The following SGCG variants were observed in gnomAD, a reference collection of about 807,000 sequenced individuals.
SGCG encodes sarcoglycan gamma.
SGCG carries 26 observed loss-of-function variants against 29.3 expected under a neutral mutation model. The ratio of observed to expected loss-of-function variants is 0.89; its 90% CI spans 0.65 to 1.23. The LOEUF (loss-of-function observed/expected upper bound fraction) is 1.23, where lower values mean the gene tolerates loss of function less well. SGCG is among the 50% of genes most tolerant of loss of function. The pLI is 0.00. For synonymous variants in SGCG, 145 were observed against 129.7 expected, an observed-to-expected ratio of 1.12 and a Z score of -0.80; for missense variants, 353 against 356.0, an observed-to-expected ratio of 0.99 and a Z score of 0.07.
chr13:23,306,478 G>A (rs975529112), intron 6 of SGCG, among the ~76,000 whole-genome samples: 1 of 152,146 alleles, frequency 6.6e-6, no homozygotes, highest in East Asian at 1.9e-4. Flanking sequence ...CTGTATTTGT[G>A]TAGTGGTCTG....
At chr13:23,224,665 T>TACACAC (rs60671278) in intron 2 of SGCG, among the ~76,000 whole-genome samples, 2 of 142,028 alleles carry the variant, frequency 1.4e-5, no homozygotes, top group South Asian at 2.3e-4. Flanking sequence ...AGGGCACACA[T>TACACAC]ACACACACAC....
intron 7 of SGCG, 31 bp downstream of exon 7, chr13:23,320,791 G>C (rs747460466): frequency 6.2e-7 from 1 of 1,603,086 alleles, no homozygotes; most frequent in South Asian, 1.1e-5. Flanking sequence ...GCCTCCTACT[G>C]TATGTCCTGA....
intron 6 of SGCG, among the ~76,000 whole-genome samples, chr13:23,296,930 G>A (rs1881930013): frequency 6.6e-6 from 1 of 151,764 alleles, no homozygotes; most frequent in South Asian, 2.1e-4. Context: ...ATTTTAAATG[G>A]TCTTAAAGTT....
At chr13:23,167,493 G>A in the SGCG span, among the ~76,000 whole-genome samples, 5 of 152,142 alleles carry the variant, frequency 3.3e-5, no homozygotes, top group African/African-American at 9.7e-5. Flanking sequence ...GTCCATAGTG[G>A]TTGTACTAAT....
chr13:23,198,077 T>C (rs1159331643), intron 1 of SGCG, among the ~76,000 whole-genome samples: 1 of 152,232 alleles, frequency 6.6e-6, no homozygotes. Context: ...AAAGTCAGTA[T>C]CAGACAGATA....
At chr13:23,283,164 A>C (rs1881370162) in intron 5 of SGCG, among the ~76,000 whole-genome samples, 1 of 152,078 alleles carries the variant, frequency 6.6e-6, no homozygotes, top group African/African-American at 2.4e-5. Flanking sequence ...TCAAGTCCTG[A>C]ATATCCTTGT....
intron 2 of SGCG, among the ~76,000 whole-genome samples, chr13:23,226,089 G>A (rs1593183715): frequency 6.6e-6 from 1 of 151,988 alleles, no homozygotes; most frequent in African/African-American, 2.4e-5. Flanking sequence ...CCAACACCCC[G>A]CACTGGGGGA....
chr13:23,247,960 A>T (rs1220374572), intron 3 of SGCG, among the ~76,000 whole-genome samples: 1 of 115,420 alleles, frequency 8.7e-6, no homozygotes, highest in African/African-American at 3.3e-5. Flanking sequence ...CTCTTAAAAA[A>T]AAAAAAAAAA....
intron 5 of SGCG, among the ~76,000 whole-genome samples, chr13:23,289,880 C>G (rs1455711463): frequency 1.3e-5 from 2 of 152,082 alleles, no homozygotes; most frequent in Non-Finnish European, 2.9e-5. Context: ...ATCTTAAGAT[C>G]AATCCAACCA....
intron 3 of SGCG, chr13:23,244,844 C>T (rs1194719264): frequency 2.0e-5 from 3 of 152,156 alleles, no homozygotes; most frequent in African/African-American, 7.2e-5. Context: ...AAGGAGGAAA[C>T]ATTCCTGAGG....
chr13:23,207,872 C>G (rs776980630), intron 2 of SGCG, among the ~76,000 whole-genome samples: 5 of 152,126 alleles, frequency 3.3e-5, no homozygotes, highest in South Asian at 4.1e-4. Flanking sequence ...GGTGCAGCCA[C>G]TATGGAAAAC....
chr13:23,187,602 A>G lies in SGCG; in HGVS notation c.-1+6527A>G, dbSNP rs899947990. ...GTTTCCTCCCTGGAAGGCTGGCCAT[A>G]AGGGTCACCCCTGTGTGGCCAGGAG... is the stretch of plus-strand genomic sequence containing the variant. On this transcript the variant is annotated intron_variant, in intron 1 of 7. Transcript: ENST00000218867. 3.9e-5 allele frequency among the ~76,000 whole-genome samples: 6 copies of G among 152,154 alleles called. No homozygotes were observed. In the East Asian group the frequency reaches 1.2e-3, roughly 29 times the overall value.
Position 23,279,403 on chromosome 13 carries a change from T to A in SGCG, c.430T>A (p.Ser144Thr). The part of the protein sequence containing the change: ...EVQNQQFQIN[S>T]NDGKPLFTVD... The stretch of plus-strand genomic sequence containing the variant: ...CCAGAATCAACAGTTTCAGATCAAC[T>A]CCAACGACGGCAAGCCACTATTTAC... The change falls in exon 5 of 8, where the codon TCC becomes ACC. Residue 144 changes from serine (S) to threonine (T), a missense_variant. Transcript: ENST00000218867. 3 of 1,613,302 alleles carry A rather than the reference T, an allele frequency of 1.9e-6. No homozygotes were observed. The highest frequency in any genetic ancestry group is 2.5e-6 in the Non-Finnish European group (3 of 1,179,472).
intron 3 of SGCG, among the ~76,000 whole-genome samples, chr13:23,247,784 TAA>T (rs56971660): frequency 0.2 from 26,938 of 132,732 alleles, 2,699 homozygotes; most frequent in South Asian, 0.31. Flanking sequence ...CATCTCTATT[TAA>T]AAAAAAAAAA....
rs57384186 is a variant in SGCG, at chr13:23,286,052, T to C, written c.505+6574T>C. On this transcript the variant is annotated intron_variant, in intron 5 of 7. Transcript: ENST00000218867. The stretch of plus-strand genomic sequence containing the variant: ...AGCTGCAGACCGGAGCTGTTCCTGT[T>C]TGGCCATCTTGCCAGACACCACCAA... Among the ~76,000 whole-genome samples the C allele has an allele frequency of 2.8e-3, 424 of 152,274 alleles. 5 individuals carry two copies. The highest frequency in any genetic ancestry group is 9.2e-3 in the African/African-American group (384 of 41,556).
At chr13:23,174,162 A>G in the SGCG span, among the ~76,000 whole-genome samples, 2 of 152,328 alleles carry the variant, frequency 1.3e-5, no homozygotes, top group South Asian at 2.1e-4. Context: ...ATGAAAGAAC[A>G]TGAGTGAAGG....
At chr13:23,267,615 T>A (rs1880687419) in intron 4 of SGCG, 1 of 152,332 alleles carries the variant, frequency 6.6e-6, no homozygotes, top group Non-Finnish European at 1.5e-5. Flanking sequence ...GTGGCTGATA[T>A]CAAGAATATA....
At position 23,203,688 on chromosome 13, in the gene SGCG, G is replaced by T; in HGVS notation, c.1-7G>T. ...CTCTCTCCTCTCGTGAACACACTCC[G>T]TGGCAGATGGTGCGTGAGCAGTACA... On this transcript the variant is annotated splice_polypyrimidine_tract_variant and splice_region_variant and intron_variant, in intron 1 of 7. Coordinates refer to ENST00000218867, the MANE Select transcript of SGCG (RefSeq NM_000231.3). 1 of 1,607,768 alleles carries T rather than the reference G, an allele frequency of 6.2e-7. No homozygotes were observed. Among genetic ancestry groups the T allele is most frequent in the Non-Finnish European group, 8.5e-7 (1 of 1,175,894 alleles).
intron 1 of SGCG, among the ~76,000 whole-genome samples, chr13:23,182,272 T>C (rs886293927): frequency 3.3e-5 from 5 of 152,236 alleles, no homozygotes; most frequent in African/African-American, 1.2e-4. Flanking sequence ...GCATAACTTA[T>C]AGGGCCTGAG....
Sources: allele counts gnomAD v4.1 joint callset (sites outside exome capture counted in the v4.1 genomes callset), GRCh38; gene constraint gnomAD v4.1.1; transcripts MANE v1.5; gene names NCBI Gene and HGNC (gene_info 2026-07-23, HGNC 2026-07-21).